DLGAP2: variants seen among roughly 807,000 people sequenced by gnomAD.
DLGAP2 encodes DLG associated protein 2.
In DLGAP2, 26 loss-of-function variants were observed where a neutral mutation model predicts 100.3. The ratio of observed to expected loss-of-function variants is 0.26; its 90% CI spans 0.19 to 0.36. The LOEUF (loss-of-function observed/expected upper bound fraction) is 0.36, where lower values mean the gene tolerates loss of function less well. DLGAP2 is among the 10% of genes least tolerant of loss of function. DLGAP2 has a pLI of 1.00. For synonymous variants in DLGAP2, 886 were observed against 630.1 expected, an observed-to-expected ratio of 1.41 and a Z score of -6.08; for missense variants, 1,858 against 1,453.2, an observed-to-expected ratio of 1.28 and a Z score of -4.53.
At chr8:789,835 G>C (rs186003401) in intron 1 of DLGAP2, among the ~76,000 whole-genome samples, 20 of 152,332 alleles carry the variant, frequency 1.3e-4, no homozygotes. Context: ...TCAGGTTAGT[G>C]TGGACCTGGA....
chr8:1,654,755 T>A (rs1798246564), intron 8 of DLGAP2, among the ~76,000 whole-genome samples: 1 of 152,158 alleles, frequency 6.6e-6, no homozygotes, highest in Non-Finnish European at 1.5e-5. Context: ...TATGTTTCTG[T>A]TTTTTGTGTG....
At chr8:738,226 G>C (rs942113874) in intron 1 of DLGAP2, 2 of 158,712 alleles carry the variant, frequency 1.3e-5, no homozygotes, top group Non-Finnish European at 2.8e-5. Context: ...CTGCGAGCGA[G>C]TGGGGGCGGC....
rs33910191 is a variant in DLGAP2, at chr8:1,287,131, C to CGTGTGTGT, written c.106+28268_106+28275dup. Among the ~76,000 whole-genome samples, 458 of 136,988 alleles carry CGTGTGTGT rather than the reference C, an allele frequency of 3.3e-3. 16 individuals carry two copies. The highest frequency in any genetic ancestry group is 8.1e-3 in the African/African-American group (276 of 34,278). The allele number at this position is 136,988 out of a possible 152,430, so 89.9% of individuals were successfully genotyped here. Reference sequence around the variant, plus strand: ...AAGAGGGGAACTAGTTTCGGTTCAGCGTGTGTGTGTGTGTGTGTGTGTGTG... The same window carrying CGTGTGTGT: ...AAGAGGGGAACTAGTTTCGGTTCAGCGTGTGTGTGTGTGTGTGTGTGTGTGTGTGTGTG... On this transcript the variant is annotated intron_variant, in intron 3 of 14. Coordinates refer to ENST00000637795, the MANE Select transcript of DLGAP2 (RefSeq NM_001346810.2).
rs562607343 is a variant in DLGAP2 at position 798,349 on chromosome 8, T to A, written c.18+60524T>A. On this transcript the variant is annotated intron_variant, in intron 1 of 14. Coordinates refer to ENST00000637795, the MANE Select transcript of DLGAP2 (RefSeq NM_001346810.2). ...GCACTGAAAGCAAACGCTTGTTGAGTCAGGACCTGCAGCCCCGTGCCCCGG... is the reference window on the plus strand; with the variant it reads ...GCACTGAAAGCAAACGCTTGTTGAGACAGGACCTGCAGCCCCGTGCCCCGG... 8.3e-5 allele frequency among the ~76,000 whole-genome samples: 12 copies of A among 144,052 alleles called. No individual in the cohort carries two copies. The South Asian group carries it at 2.7e-3, about 32-fold the overall frequency. 94.5% of individuals were successfully genotyped at this position (144,052 alleles called of 152,430 possible). A position where few individuals can be genotyped will look rare whatever the true frequency, so the allele number is the denominator to read the frequency against.
chr8:1,682,473 T>C (rs976577130), intron 12 of DLGAP2, among the ~76,000 whole-genome samples: 1 of 135,090 alleles, frequency 7.4e-6, no homozygotes, highest in East Asian at 2.5e-4. Context: ...TCTTAGGATA[T>C]ATAGTATTTT....
chr8:1,115,205 G>A (rs532023737), intron 2 of DLGAP2, among the ~76,000 whole-genome samples: 8 of 152,334 alleles, frequency 5.3e-5, no homozygotes, highest in African/African-American at 1.9e-4. Context: ...TCTGTCATAT[G>A]CATTTGGTCC....
intron 8 of DLGAP2, among the ~76,000 whole-genome samples, chr8:1,655,206 C>T (rs1009505838): frequency 1.3e-5 from 2 of 152,234 alleles, no homozygotes; most frequent in African/African-American, 4.8e-5. Context: ...GATGTGACTT[C>T]TGTGTCCTGT....
Position 1,560,115 on chromosome 8 carries a change from G to A in DLGAP2, c.1231-5568G>A, listed in dbSNP as rs1468944590. 2.6e-5 allele frequency among the ~76,000 whole-genome samples: 4 copies of A among 152,200 alleles called. No homozygotes were observed. In the East Asian group the frequency reaches 7.7e-4, roughly 29 times the overall value. The stretch of plus-strand genomic sequence containing the variant: ...ATTACAAAAGTCATATAGGGTTCAT[G>A]TAGACAATTTAAAAATATAAAGAAA... On this transcript the variant is annotated intron_variant, in intron 5 of 14. Coordinates refer to ENST00000637795, the MANE Select transcript of DLGAP2 (RefSeq NM_001346810.2).
intron 3 of DLGAP2, among the ~76,000 whole-genome samples, chr8:1,306,038 A>G (rs1210397500): frequency 6.7e-6 from 1 of 149,246 alleles, no homozygotes; most frequent in Non-Finnish European, 1.5e-5. Flanking sequence ...ACTTCTACTC[A>G]TCATAGTAGT....
At chr8:779,475 T>TG (rs1563427721) in intron 1 of DLGAP2, among the ~76,000 whole-genome samples, 1 of 151,436 alleles carries the variant, frequency 6.6e-6, no homozygotes, top group Non-Finnish European at 1.5e-5. Context: ...TTCTTTTTTT[T>TG]TTTTTTCAGA....
chr8:1,454,231 G>A lies in DLGAP2; in HGVS notation c.107-47135G>A, dbSNP rs78358076. Among the ~76,000 whole-genome samples the A allele has an allele frequency of 1.5e-3, 229 of 152,294 alleles. No individual in the cohort carries two copies. In the East Asian group the frequency reaches 0.029, roughly 19 times the overall value. On this transcript the variant is annotated intron_variant, in intron 3 of 14. Transcript: ENST00000637795. ...CACAGCCGCCCGGCAGGATGTCCCCGTAAGGTTTCATCCACAGCGTCCCCA... is the reference window on the plus strand; with the variant it reads ...CACAGCCGCCCGGCAGGATGTCCCCATAAGGTTTCATCCACAGCGTCCCCA...
chr8:1,339,463 C>T (rs1801370168), intron 3 of DLGAP2, among the ~76,000 whole-genome samples: 1 of 152,216 alleles, frequency 6.6e-6, no homozygotes, highest in Admixed American at 6.5e-5. Flanking sequence ...GCCTGGAGCA[C>T]ACAGGGACCC....
chr8:1,050,085 GTC>G (rs1802635173), intron 2 of DLGAP2, among the ~76,000 whole-genome samples: 1 of 152,252 alleles, frequency 6.6e-6, no homozygotes, highest in Admixed American at 6.5e-5. Context: ...TGCACAGGCA[GTC>G]ACACACATAC....
chr8:1,529,760 T>C (rs1309804818), intron 4 of DLGAP2, among the ~76,000 whole-genome samples: 1 of 152,236 alleles, frequency 6.6e-6, no homozygotes, highest in Non-Finnish European at 1.5e-5. Flanking sequence ...CTTTTCTATT[T>C]TCCTTAAGCG....
chr8:1,547,264 C>T (rs998882877), intron 4 of DLGAP2, among the ~76,000 whole-genome samples: 7 of 152,148 alleles, frequency 4.6e-5, no homozygotes, highest in Non-Finnish European at 7.4e-5. Context: ...GTGGCTGTCA[C>T]AAGGAAGGCA....
chr8:920,348 A>G (rs1798682588), intron 2 of DLGAP2, among the ~76,000 whole-genome samples: 2 of 152,260 alleles, frequency 1.3e-5, no homozygotes, highest in African/African-American at 2.4e-5. Context: ...TTATCAGGGA[A>G]TAGCCCCCAA....
At chr8:1,628,163 G>C (rs1585011810) in intron 7 of DLGAP2, among the ~76,000 whole-genome samples, 1 of 110,190 alleles carries the variant, frequency 9.1e-6, no homozygotes, top group African/African-American at 4.6e-5. Flanking sequence ...AGCCTGAGCT[G>C]ACCTCACATT....
At chr8:1,436,117 G>A (rs966708974) in intron 3 of DLGAP2, among the ~76,000 whole-genome samples, 8 of 152,124 alleles carry the variant, frequency 5.3e-5, no homozygotes, top group Non-Finnish European at 2.9e-5. Context: ...TTATTGAGGA[G>A]AATTGACTCA....
chr8:1,638,804 G>C (rs1263621853), intron 8 of DLGAP2, among the ~76,000 whole-genome samples: 2 of 152,220 alleles, frequency 1.3e-5, no homozygotes, highest in South Asian at 2.1e-4. Context: ...CAGGAGGAGA[G>C]GCCGTAATGA....
Sources: gnomAD v4.1 joint callset for allele counts (sites outside exome capture counted in the v4.1 genomes callset) on GRCh38, gnomAD v4.1.1 for gene constraint, MANE v1.5 for transcripts, NCBI Gene and HGNC (gene_info 2026-07-23, HGNC 2026-07-21) for gene names.